SHISA9: variants seen among roughly 807,000 people sequenced by gnomAD.
The protein encoded by SHISA9 is protein shisa-9.
In SHISA9, 13 loss-of-function variants were observed where a neutral mutation model predicts 38.0. The ratio of observed to expected loss-of-function variants is 0.34; its 90% confidence interval spans 0.22 to 0.54. SHISA9 has a LOEUF of 0.54. Among genes scored for constraint, SHISA9 ranks in the 20% least tolerant of loss-of-function variants. The probability of loss-of-function intolerance (pLI) is 0.91; values close to 1 mark genes in which losing one functional copy is unlikely to be tolerated. For missense variants in SHISA9, 538 were observed against 575.8 expected (o/e 0.93, Z 0.67); for synonymous variants, 275 against 242.0 (o/e 1.14, Z -1.27).
intron 2 of SHISA9, among the ~76,000 whole-genome samples, chr16:13,106,311 G>T (rs2141961871): frequency 6.6e-6 from 1 of 152,276 alleles, no homozygotes; most frequent in South Asian, 2.1e-4. Context: ...CCAGCATGAA[G>T]CCTGATGTAC....
the SHISA9 span, among the ~76,000 whole-genome samples, chr16:13,360,680 C>G: frequency 6.6e-6 from 1 of 152,272 alleles, no homozygotes; most frequent in East Asian, 1.9e-4. Flanking sequence ...TGAGAACAGA[C>G]TAATACAGGG....
chr16:13,101,758 T>C (rs1014865180), intron 2 of SHISA9, among the ~76,000 whole-genome samples: 2 of 152,224 alleles, frequency 1.3e-5, no homozygotes, highest in African/African-American at 4.8e-5. Flanking sequence ...TGGATAAGGG[T>C]TCCCTTTTCT....
At chr16:13,351,650 T>C in the SHISA9 span, among the ~76,000 whole-genome samples, 1 of 152,228 alleles carries the variant, frequency 6.6e-6, no homozygotes, top group African/African-American at 2.4e-5. Context: ...TCTCCCCTTC[T>C]TTCACTTGGA....
rs2051405503 is a variant in SHISA9 at position 13,238,405 on chromosome 16, C to T, written c.*2996C>T. ...GAGGCTCTTTCCAGCTCAAAGTTTC[C>T]ATAATTCTTATCTCCCTTTTACCTC... On this transcript the variant is annotated 3_prime_UTR_variant, in exon 5 of 5. Coordinates refer to ENST00000558583, the MANE Select transcript of SHISA9 (RefSeq NM_001145204.3). The T allele has an allele frequency of 6.6e-6, 1 of 152,206 alleles. No individual in the cohort carries two copies. The highest frequency in any genetic ancestry group is 2.1e-4 in the South Asian group (1 of 4,828). 9.4% of individuals were successfully genotyped at this position (152,206 alleles called of 1,614,324 possible). A position where few individuals can be genotyped will look rare whatever the true frequency, so the allele number is the denominator to read the frequency against.
At chr16:13,284,663 T>A in the SHISA9 span, among the ~76,000 whole-genome samples, 3 of 152,186 alleles carry the variant, frequency 2.0e-5, no homozygotes, top group Non-Finnish European at 2.9e-5. Flanking sequence ...AGCAGTGCAA[T>A]CTCAGCTCAC....
At chr16:13,215,804 C>A (rs2051162770) in intron 4 of SHISA9, among the ~76,000 whole-genome samples, 1 of 152,128 alleles carries the variant, frequency 6.6e-6, no homozygotes, top group Non-Finnish European at 1.5e-5. Flanking sequence ...CTCTACTCAA[C>A]CTCTAGACCC....
At chr16:12,950,899 C>T (rs964121222) in intron 2 of SHISA9, among the ~76,000 whole-genome samples, 5 of 149,960 alleles carry the variant, frequency 3.3e-5, no homozygotes, top group South Asian at 2.1e-4. Context: ...AGAGCCACTG[C>T]GCCCGGCCCT....
intron 2 of SHISA9, among the ~76,000 whole-genome samples, chr16:13,186,016 T>A (rs1468046771): frequency 6.6e-6 from 1 of 152,146 alleles, no homozygotes; most frequent in African/African-American, 2.4e-5. Flanking sequence ...TTACCCTACC[T>A]TGAACTCCAT....
rs138930272 is a variant in SHISA9 at position 13,163,409 on chromosome 16, T to C, written c.692-39985T>C. On this transcript the variant is annotated intron_variant, in intron 2 of 4. Transcript: ENST00000558583. ...CCATATGAATTTTAAAATTAGATGA[T>C]CATTTCTACAAAAAAGTGTGCTTGA... is the stretch of plus-strand genomic sequence containing the variant. Among the ~76,000 whole-genome samples, 1,523 of 152,310 alleles carry C rather than the reference T, an allele frequency of 1.0e-2. 30 individuals carry two copies. The highest frequency in any genetic ancestry group is 0.033 in the African/African-American group (1,352 of 41,570).
the SHISA9 span, among the ~76,000 whole-genome samples, chr16:13,408,806 G>C: frequency 6.6e-6 from 1 of 152,190 alleles, no homozygotes; most frequent in East Asian, 1.9e-4. Flanking sequence ...AAGATACCAA[G>C]TGAGTAAGCA....
intron 2 of SHISA9, among the ~76,000 whole-genome samples, chr16:13,084,113 A>C (rs1237170197): frequency 6.6e-6 from 1 of 152,204 alleles, no homozygotes; most frequent in Non-Finnish European, 1.5e-5. Context: ...AAAAAGAAAA[A>C]AGGCTAGTTT....
At chr16:13,361,017 A>C in the SHISA9 span, among the ~76,000 whole-genome samples, 1 of 152,182 alleles carries the variant, frequency 6.6e-6, no homozygotes, top group Non-Finnish European at 1.5e-5. Context: ...AAATACCTGC[A>C]CCAAACTCCT....
At chr16:12,987,083 A>G (rs1264220524) in intron 2 of SHISA9, among the ~76,000 whole-genome samples, 3 of 152,212 alleles carry the variant, frequency 2.0e-5, no homozygotes, top group East Asian at 1.9e-4. Context: ...AGGTAAATCA[A>G]TGCTGAAGGG....
At chr16:13,475,400 A>C in the SHISA9 span, among the ~76,000 whole-genome samples, 1 of 151,746 alleles carries the variant, frequency 6.6e-6, no homozygotes, top group African/African-American at 2.4e-5. Flanking sequence ...GAGATTATGA[A>C]GTTTGCCAAA....
At chr16:12,915,138 T>A (rs1026074894) in intron 1 of SHISA9, among the ~76,000 whole-genome samples, 21 of 152,166 alleles carry the variant, frequency 1.4e-4, no homozygotes, top group African/African-American at 5.1e-4. Context: ...CCTGGAGAAC[T>A]TCTCTGTGGT....
the SHISA9 span, among the ~76,000 whole-genome samples, chr16:13,422,429 C>T: frequency 2.0e-5 from 3 of 152,150 alleles, no homozygotes; most frequent in African/African-American, 4.8e-5. Flanking sequence ...GGCGTGGTGG[C>T]TCATGCCTGC....
chr16:13,557,010 G>A, the SHISA9 span, among the ~76,000 whole-genome samples: 1 of 152,154 alleles, frequency 6.6e-6, no homozygotes, highest in Non-Finnish European at 1.5e-5. Context: ...CCAGTACTGA[G>A]GGGTGACTGT....
chr16:13,419,842 C>G, the SHISA9 span, among the ~76,000 whole-genome samples: 3 of 152,188 alleles, frequency 2.0e-5, no homozygotes, highest in Non-Finnish European at 4.4e-5. Context: ...GGATTTGGCC[C>G]ATGAACCATA....
chr16:13,102,792 T>C (rs2073891496), intron 2 of SHISA9, among the ~76,000 whole-genome samples: 1 of 152,198 alleles, frequency 6.6e-6, no homozygotes, highest in Non-Finnish European at 1.5e-5. Flanking sequence ...AATCAATATG[T>C]GGCACCCAAT....
Sources: allele counts gnomAD v4.1 joint callset (sites outside exome capture counted in the v4.1 genomes callset), GRCh38; gene constraint gnomAD v4.1.1; transcripts MANE v1.5; gene names NCBI Gene and HGNC (gene_info 2026-07-23, HGNC 2026-07-21).